Variants in RNF19A observed in about 807,000 individuals in gnomAD.
RNF19A encodes the protein ring finger protein 19A, RBR E3 ubiquitin protein ligase.
A neutral mutation model predicts 75.7 loss-of-function variants in RNF19A; 32 were observed. The observed-to-expected ratio is 0.42, with a 90% CI of 0.32 to 0.57. The LOEUF is 0.57. Ranked by LOEUF, RNF19A falls within the 20% of genes least tolerant of loss-of-function variation. RNF19A has a pLI of 0.10. For synonymous variants in RNF19A, 335 were observed against 345.2 expected, an observed-to-expected ratio of 0.97 and a Z score of 0.33; for missense variants, 782 against 1,036.3, an observed-to-expected ratio of 0.75 and a Z score of 3.37.
Position 100,264,845 on chromosome 8 carries a change from A to C in RNF19A, c.1192-60T>G. 1.6e-6 allele frequency: 2 copies of C among 1,246,332 alleles called. No homozygotes were observed. The highest frequency in any genetic ancestry group is 2.3e-6 in the Non-Finnish European group (2 of 852,344). 77.2% of individuals were successfully genotyped at this position (1,246,332 alleles called of 1,614,324 possible). A position where few individuals can be genotyped will look rare whatever the true frequency, so the allele number is the denominator to read the frequency against. ...GAGAAAATACATTACAATTTAACTT[A>C]GTTGAAAAAGATCTATACTTGCTAA... On this transcript the variant is annotated intron_variant, in intron 5 of 9. Coordinates refer to ENST00000341084, the MANE Select transcript of RNF19A (RefSeq NM_183419.4). This position sits in a 1 kb window ranked among gnomAD's most constrained non-coding sequence, Gnocchi z 4.7.
At chr8:100,262,679 G>A (rs1222865867) in intron 7 of RNF19A, among the ~76,000 whole-genome samples, 3 of 152,130 alleles carry the variant, frequency 2.0e-5, no homozygotes, top group Non-Finnish European at 2.9e-5. Context: ...ATCTGACAGG[G>A]TTTAGACATG....
intron 1 of RNF19A, among the ~76,000 whole-genome samples, chr8:100,316,851 C>T (rs577154101): frequency 6.6e-6 from 1 of 152,306 alleles, no homozygotes; most frequent in African/African-American, 2.4e-5. Flanking sequence ...AGGCTCAGGC[C>T]GCACAGCAAC....
At chr8:100,293,982 C>T (rs1821428154) in intron 1 of RNF19A, among the ~76,000 whole-genome samples, 1 of 152,152 alleles carries the variant, frequency 6.6e-6, no homozygotes, top group South Asian at 2.1e-4. Context: ...GATGAGACTA[C>T]CCACATGTTC....
chr8:100,316,820 A>G (rs928050697), intron 1 of RNF19A, among the ~76,000 whole-genome samples: 12 of 152,248 alleles, frequency 7.9e-5, no homozygotes, highest in African/African-American at 2.9e-4. Flanking sequence ...GCCGTGGAGC[A>G]GGGGGTGGTG....
intron 2 of RNF19A, among the ~76,000 whole-genome samples, chr8:100,278,188 C>A (rs865964344): frequency 6.6e-6 from 1 of 152,204 alleles, no homozygotes; most frequent in East Asian, 1.9e-4. Context: ...TTGGCTTTGG[C>A]CTTGGCCTTT....
intron 1 of RNF19A, among the ~76,000 whole-genome samples, chr8:100,291,297 T>C (rs1821283590): frequency 6.6e-6 from 1 of 152,218 alleles, no homozygotes. Flanking sequence ...GAATGTAAGA[T>C]AACCTAGTGC....
chr8:100,289,044 T>C lies in RNF19A; in HGVS notation c.-93-777A>G, dbSNP rs1329685302. Among the ~76,000 whole-genome samples, 5 of 131,984 alleles carry C rather than the reference T, an allele frequency of 3.8e-5. No individual in the cohort carries two copies. In the East Asian group the frequency reaches 1.1e-3, roughly 28 times the overall value. The allele number at this position is 131,984 out of a possible 152,430, so 86.6% of individuals were successfully genotyped here. A position where few individuals can be genotyped will look rare whatever the true frequency, so the allele number is the denominator to read the frequency against. On this transcript the variant is annotated intron_variant, in intron 1 of 9. Coordinates refer to ENST00000341084, the MANE Select transcript of RNF19A (RefSeq NM_183419.4). ...CGCTGCACTCCACCCTGAGCAACAG[T>C]GCGAGACTCCATCTCAAAAAAAAAA...
intron 2 of RNF19A, among the ~76,000 whole-genome samples, chr8:100,282,519 G>A (rs542629360): frequency 1.3e-5 from 2 of 151,876 alleles, no homozygotes; most frequent in African/African-American, 2.4e-5. Flanking sequence ...CTTATAATAT[G>A]TTTATGTATG....
chr8:100,327,245 CTTTTTTTTTTT>C (rs71303441), intron 1 of RNF19A, among the ~76,000 whole-genome samples: 40 of 75,864 alleles, frequency 5.3e-4, no homozygotes, highest in Admixed American at 2.2e-3. Context: ...GCAATTACTT[CTTTTTTTTTTT>C]TTTTTTTTTT....
intron 1 of RNF19A, 108 bp from the exon 2 acceptor site, chr8:100,288,375 TAG>T (rs1403575183): frequency 2.8e-6 from 2 of 720,586 alleles, no homozygotes; most frequent in East Asian, 3.7e-5. Context: ...CCATTAGTAG[TAG>T]TTGTTTTTTT....
At chr8:100,334,421 T>G (rs1822648916) in intron 1 of RNF19A, among the ~76,000 whole-genome samples, 1 of 152,234 alleles carries the variant, frequency 6.6e-6, no homozygotes, top group Admixed American at 6.5e-5. Context: ...CAATGTCTTC[T>G]TTCCTCCTTT....
rs566804351 is a variant in RNF19A, at chr8:100,333,269, A to G, written c.-243+2839T>C. Among the ~76,000 whole-genome samples the G allele has an allele frequency of 9.4e-4, 143 of 152,322 alleles. No individual in the cohort carries two copies. The highest frequency in any genetic ancestry group is 3.3e-3 in the African/African-American group (137 of 41,572). The stretch of plus-strand genomic sequence containing the variant: ...GCCCACTCAACCTTGGACTTCCCAG[A>G]TCCAGAACAATGAGCCAAATACACT... On this transcript the variant is annotated intron_variant, in intron 1 of 3. Transcript: ENST00000519527. The surrounding 1 kb of genome is among the most constrained non-coding windows in gnomAD (Gnocchi z 4.7).
At chr8:100,321,099 G>A (rs1443941376) in intron 1 of RNF19A, among the ~76,000 whole-genome samples, 1 of 152,156 alleles carries the variant, frequency 6.6e-6, no homozygotes, top group Admixed American at 6.5e-5. Flanking sequence ...GGTAGCTGTG[G>A]CGGTTTCTTA....
At position 100,261,924 on chromosome 8, in the gene RNF19A, A is replaced by G. The variant is rs1445420165; in HGVS notation, c.1469-169T>C. Among the ~76,000 whole-genome samples the G allele has an allele frequency of 6.6e-6, 1 of 152,226 alleles. No individual in the cohort carries two copies. Among genetic ancestry groups the G allele is most frequent in the Non-Finnish European group, 1.5e-5 (1 of 68,042 alleles). ...ACTAGAAGCAGTGGGAATAGAGCCA[A>G]CAATTTTAAATGGTCACTAGTTTCT... On this transcript the variant is annotated intron_variant, in intron 7 of 9. Coordinates refer to ENST00000341084, the MANE Select transcript of RNF19A (RefSeq NM_183419.4). This position sits in a 1 kb window ranked among gnomAD's most constrained non-coding sequence, Gnocchi z 4.4.
Position 100,269,791 on chromosome 8 carries a change from C to A in RNF19A, c.1028+78G>T. On this transcript the variant is annotated intron_variant, in intron 4 of 9. Transcript: ENST00000341084. The surrounding 1 kb of genome is among the most constrained non-coding windows in gnomAD (Gnocchi z 5.7). ...CAATCCCTTTAAGTATCTTATAAAA[C>A]CCAAATTTAAGACAAGTTATTTTGT... The A allele has an allele frequency of 8.4e-7, 1 of 1,185,366 alleles. No homozygotes were observed. The highest frequency in any genetic ancestry group is 2.5e-5 in the South Asian group (1 of 40,750). The allele number at this position is 1,185,366 out of a possible 1,614,324, so 73.4% of individuals were successfully genotyped here.
At chr8:100,270,371 G>C (rs779075751) in intron 3 of RNF19A, among the ~76,000 whole-genome samples, 1 of 151,914 alleles carries the variant, frequency 6.6e-6, no homozygotes, top group Admixed American at 6.6e-5. Context: ...GGTAGTTCCC[G>C]GTTCCAGAAC....
Position 100,327,245 on chromosome 8 carries a change from C to CTTTTTTTTTT in RNF19A, c.-243+8853_-243+8862dup, listed in dbSNP as rs71303441. The stretch of plus-strand genomic sequence containing the variant: ...TTCTTATAAAATTCAGCAATTACTT[C>CTTTTTTTTTT]TTTTTTTTTTTTTTTTTTTTTTTTG... On this transcript the variant is annotated intron_variant, in intron 1 of 3. Transcript: ENST00000519527. 1.0e-3 allele frequency among the ~76,000 whole-genome samples: 78 copies of CTTTTTTTTTT among 75,862 alleles called. 4 individuals carry two copies. Among genetic ancestry groups the CTTTTTTTTTT allele is most frequent in the African/African-American group, 3.6e-3 (66 of 18,112 alleles). 49.8% of individuals were successfully genotyped at this position (75,862 alleles called of 152,430 possible). A position where few individuals can be genotyped will look rare whatever the true frequency, so the allele number is the denominator to read the frequency against.
intron 3 of RNF19A, among the ~76,000 whole-genome samples, chr8:100,272,969 G>A (rs1184792842): frequency 6.6e-6 from 1 of 151,772 alleles, no homozygotes; most frequent in African/African-American, 2.4e-5. Flanking sequence ...AGGCTCAAAC[G>A]ATCCTCCCAC....
rs985453783 is a variant in RNF19A at position 100,258,689 on chromosome 8, A to G, written c.2384T>C (p.Ile795Thr). Residue 795 changes from isoleucine to threonine, a missense_variant, in exon 10 of 10, where the codon ATT (isoleucine) becomes ACT (threonine). Ile to Thr is a moderately conservative substitution (Grantham distance 89, BLOSUM62 -1). This residue lies in a region of RNF19A where 442 missense variants were observed against 541.6 expected (regional missense o/e 0.82). Coordinates refer to ENST00000341084, the MANE Select transcript of RNF19A (RefSeq NM_183419.4). The surrounding 1 kb of genome is among the most constrained non-coding windows in gnomAD (Gnocchi z 4.3). ...TCCATTGTTACCATGTTCTTCAGCA[A>G]TATGATTCAACTGTGAAACTTCTGA... is the stretch of plus-strand genomic sequence containing the variant. ...SCSEVSQLNH[I>T]AEEHGNNGIK... 5 of 1,614,064 alleles carry G rather than the reference A, an allele frequency of 3.1e-6. No homozygotes were observed. The highest frequency in any genetic ancestry group is 4.2e-6 in the Non-Finnish European group (5 of 1,180,032).
Sources: gnomAD v4.1 joint callset for allele counts (sites outside exome capture counted in the v4.1 genomes callset) on GRCh38, gnomAD v4.1.1 for gene constraint, gnomAD v4.1.1 regional missense constraint, Gnocchi (gnomAD v3.1) non-coding constraint, MANE v1.5 for transcripts, NCBI Gene and HGNC (gene_info 2026-07-23, HGNC 2026-07-21) for gene names.